The following RGS7 variants were observed in gnomAD, a reference collection of about 807,000 sequenced individuals.
The protein encoded by RGS7 is regulator of G-protein signaling 7.
A neutral mutation model predicts 81.1 loss-of-function variants in RGS7; 27 were observed. That is an observed-to-expected ratio of 0.33 (90% CI 0.25 to 0.46). RGS7 has a LOEUF of 0.46. Among genes scored for constraint, RGS7 ranks in the 20% least tolerant of loss-of-function variants. RGS7 has a pLI of 1.00. For synonymous variants in RGS7, 208 were observed against 207.7 expected, an observed-to-expected ratio of 1.00 and a Z score of -0.01; for missense variants, 396 against 607.4, an observed-to-expected ratio of 0.65 and a Z score of 3.66.
intron 3 of RGS7, among the ~76,000 whole-genome samples, chr1:241,093,753 G>C (rs569482291): frequency 1.3e-5 from 2 of 151,996 alleles, no homozygotes; most frequent in Non-Finnish European, 2.9e-5. Context: ...CTTCTCCAGA[G>C]AATTTATTGC....
chr1:241,342,755 G>A (rs2082639346), intron 2 of RGS7, among the ~76,000 whole-genome samples: 2 of 152,190 alleles, frequency 1.3e-5, no homozygotes. Context: ...ATAAATGCCA[G>A]TGAGCACTTG....
At position 241,234,484 on chromosome 1, in the gene RGS7, T is replaced by TC. The variant is rs555258729; in HGVS notation, c.78+121214dup. Among the ~76,000 whole-genome samples, 5 of 148,692 alleles carry TC rather than the reference T, an allele frequency of 3.4e-5. No homozygotes were observed. The South Asian group carries it at 1.1e-3, about 31-fold the overall frequency. ...TATCTTGTTTTTCTTTTTCTTTTTT[T>TC]CTTTTTTTTTTTCTCCTTCTTGCCA... is the stretch of plus-strand genomic sequence containing the variant. On this transcript the variant is annotated intron_variant, in intron 2 of 18. Transcript: ENST00000440928.
intron 15 of RGS7, among the ~76,000 whole-genome samples, chr1:240,805,213 T>C (rs1324197664): frequency 9.7e-6 from 1 of 103,544 alleles, no homozygotes; most frequent in Admixed American, 9.8e-5. Context: ...ACCCTGTCTC[T>C]ACAAAAAAAA....
At chr1:240,944,260 A>ATGTGTGTGTGTGTGTGTGTGTG (rs35591630) in intron 4 of RGS7, among the ~76,000 whole-genome samples, 2 of 51,798 alleles carry the variant, frequency 3.9e-5, no homozygotes, top group African/African-American at 1.5e-4. Context: ...GTTATATTAT[A>ATGTGTGTGTGTGTGTGTGTGTG]TGTGTGTGTG....
At chr1:240,862,100 G>A (rs1335835091) in intron 9 of RGS7, among the ~76,000 whole-genome samples, 1 of 152,020 alleles carries the variant, frequency 6.6e-6, no homozygotes. Context: ...TGGCAATTCT[G>A]TCTGGAGTCC....
At chr1:241,086,643 A>G (rs908234148) in intron 3 of RGS7, among the ~76,000 whole-genome samples, 15 of 152,056 alleles carry the variant, frequency 9.9e-5, no homozygotes, top group Non-Finnish European at 1.9e-4. Flanking sequence ...GTTTGGAAAA[A>G]AAAAAAGAAA....
chr1:240,867,232 T>G (rs1663477963), intron 9 of RGS7, among the ~76,000 whole-genome samples: 1 of 152,220 alleles, frequency 6.6e-6, no homozygotes, highest in Non-Finnish European at 1.5e-5. Context: ...AGCTGAAATA[T>G]GTACATATAT....
At chr1:241,016,926 T>C (rs1486030608) in intron 3 of RGS7, among the ~76,000 whole-genome samples, 2 of 152,208 alleles carry the variant, frequency 1.3e-5, no homozygotes, top group East Asian at 3.8e-4. Flanking sequence ...CTGCCTTCCA[T>C]TGATTTACCT....
intron 6 of RGS7, among the ~76,000 whole-genome samples, chr1:240,905,402 T>C (rs1670659745): frequency 6.6e-6 from 1 of 152,144 alleles, no homozygotes; most frequent in Non-Finnish European, 1.5e-5. Flanking sequence ...CAGCGACAGG[T>C]AGGCGGAGAG....
chr1:240,977,091 TACAC>T (rs60732630), intron 4 of RGS7, among the ~76,000 whole-genome samples: 13,775 of 133,598 alleles, frequency 0.1, 841 homozygotes, highest in African/African-American at 0.18. Context: ...TATCCATCTG[TACAC>T]ACACACACAC....
chr1:241,196,192 G>A (rs371529654), intron 2 of RGS7, among the ~76,000 whole-genome samples: 1 of 152,126 alleles, frequency 6.6e-6, no homozygotes, highest in Non-Finnish European at 1.5e-5. Context: ...CCAGAAGACA[G>A]TAGAAAGATA....
intron 2 of RGS7, among the ~76,000 whole-genome samples, chr1:241,326,668 G>A (rs1163583463): frequency 9.4e-6 from 1 of 106,508 alleles, no homozygotes; most frequent in Non-Finnish European, 2.1e-5. Flanking sequence ...ATTAAGCCAG[G>A]TGTGATGGAT....
At chr1:241,002,015 G>T (rs191620122) in intron 3 of RGS7, among the ~76,000 whole-genome samples, 4 of 152,112 alleles carry the variant, frequency 2.6e-5, no homozygotes, top group African/African-American at 9.7e-5. Flanking sequence ...TCACTGAACC[G>T]TAACAAATGT....
rs199742482 is a variant in RGS7 at position 241,134,384 on chromosome 1, T to C, written c.79-35622A>G. 6.6e-5 allele frequency among the ~76,000 whole-genome samples: 10 copies of C among 152,340 alleles called. No individual in the cohort carries two copies. The East Asian group carries it at 1.7e-3, about 26-fold the overall frequency. On this transcript the variant is annotated intron_variant, in intron 2 of 18. Coordinates refer to ENST00000440928, the MANE Select transcript of RGS7 (RefSeq NM_001364886.1). ...TGGGACTTCTACTAGACTATTAGCC[T>C]GAACTCTTCCAAAAGTAAATTGTGT... is the stretch of plus-strand genomic sequence containing the variant.
chr1:241,285,031 C>T (rs2078730538), intron 2 of RGS7, among the ~76,000 whole-genome samples: 1 of 152,072 alleles, frequency 6.6e-6, no homozygotes, highest in African/African-American at 2.4e-5. Flanking sequence ...CCACAATGCC[C>T]AGCTAATTTT....
intron 6 of RGS7, among the ~76,000 whole-genome samples, chr1:240,905,198 T>A (rs1670630132): frequency 6.6e-6 from 1 of 152,076 alleles, no homozygotes; most frequent in Admixed American, 6.5e-5. Flanking sequence ...CATATTTTTT[T>A]AGGAAGTCAG....
At chr1:240,811,886 C>G in intron 14 of RGS7, 32 bp downstream of exon 14, 10 of 1,577,230 alleles carry the variant, frequency 6.3e-6, no homozygotes, top group Non-Finnish European at 8.7e-6. Context: ...CAGTATTTCT[C>G]TGGCTTATAA....
At chr1:241,107,515 ATAAC>A (rs1020508143) in intron 2 of RGS7, among the ~76,000 whole-genome samples, 12 of 152,190 alleles carry the variant, frequency 7.9e-5, no homozygotes, top group Non-Finnish European at 1.6e-4. Context: ...GTAGTAAACT[ATAAC>A]TAATCAAACT....
chr1:241,315,107 C>CT (rs5782184), intron 2 of RGS7, among the ~76,000 whole-genome samples: 1,908 of 57,320 alleles, frequency 0.033, 377 homozygotes, highest in African/African-American at 0.074. Context: ...TCTTCTTCTT[C>CT]TTTTTTTTTT....
Sources: allele counts gnomAD v4.1 joint callset (sites outside exome capture counted in the v4.1 genomes callset), GRCh38; gene constraint gnomAD v4.1.1; transcripts MANE v1.5; gene names NCBI Gene and HGNC (gene_info 2026-07-23, HGNC 2026-07-21).